Variants in MARK3 observed in about 807,000 individuals in gnomAD.
The protein encoded by MARK3 is MAP/microtubule affinity-regulating kinase 3.
Under a neutral mutation model 90.1 loss-of-function variants are expected in MARK3, and 46 were observed. The ratio of observed to expected loss-of-function variants is 0.51; its 90% CI spans 0.40 to 0.65. MARK3 has a LOEUF of 0.65. MARK3 is among the 30% of genes least tolerant of loss of function. The probability of loss-of-function intolerance (pLI) is 0.00; values close to 1 mark genes in which losing one functional copy is unlikely to be tolerated. For missense variants in MARK3, 818 were observed against 947.2 expected, an observed-to-expected ratio of 0.86 and a Z score of 1.79; for synonymous variants, 321 against 332.6, an observed-to-expected ratio of 0.97 and a Z score of 0.38.
chr14:103,407,713 A>G (rs1222711443), intron 2 of MARK3, among the ~76,000 whole-genome samples: 1 of 151,768 alleles, frequency 6.6e-6, no homozygotes, highest in East Asian at 1.9e-4. Context: ...GGCGTGCGCC[A>G]CCATGCCCGG....
At chr14:103,388,025 G>A (rs185224839) in intron 1 of MARK3, among the ~76,000 whole-genome samples, 5 of 152,018 alleles carry the variant, frequency 3.3e-5, no homozygotes, top group Non-Finnish European at 5.9e-5. Context: ...TCCGCCTCCC[G>A]GGTTCAAGTG....
At chr14:103,414,622 G>C (rs916434632) in intron 2 of MARK3, among the ~76,000 whole-genome samples, 2 of 152,228 alleles carry the variant, frequency 1.3e-5, no homozygotes, top group Non-Finnish European at 2.9e-5. Context: ...AACCCAGAGG[G>C]TTGTGGGAAG....
chr14:103,387,987 C>T (rs531752192), intron 1 of MARK3, among the ~76,000 whole-genome samples: 8 of 151,704 alleles, frequency 5.3e-5, no homozygotes, highest in Non-Finnish European at 8.8e-5. Flanking sequence ...GCTGGAGTGC[C>T]GTGGCATGAT....
intron 3 of MARK3, among the ~76,000 whole-genome samples, chr14:103,441,176 C>A (rs1031957747): frequency 1.3e-5 from 2 of 152,154 alleles, no homozygotes; most frequent in Non-Finnish European, 2.9e-5. Flanking sequence ...TATATCTTCA[C>A]TCTCTTGATA....
At chr14:103,434,749 G>A (rs1353411594) in intron 3 of MARK3, among the ~76,000 whole-genome samples, 1 of 152,174 alleles carries the variant, frequency 6.6e-6, no homozygotes, top group African/African-American at 2.4e-5. Flanking sequence ...AAGAAAACTA[G>A]AAGAATTCAG....
intron 1 of MARK3, among the ~76,000 whole-genome samples, chr14:103,393,347 G>GA (rs1267202180): frequency 6.6e-6 from 1 of 152,092 alleles, no homozygotes. Flanking sequence ...GGCCTTATCA[G>GA]AAAAAAGTTG....
intron 2 of MARK3, among the ~76,000 whole-genome samples, chr14:103,419,026 C>T (rs1027634872): frequency 6.6e-6 from 1 of 152,120 alleles, no homozygotes; most frequent in East Asian, 1.9e-4. Context: ...CGGTGGCTCA[C>T]GCCTGTAATC....
chr14:103,464,447 CACCA>C (rs1459090266), intron 7 of MARK3, among the ~76,000 whole-genome samples: 3 of 150,996 alleles, frequency 2.0e-5, no homozygotes, highest in African/African-American at 7.3e-5. Context: ...TACAGGCGCC[CACCA>C]CCATGCCCAG....
At chr14:103,500,237 G>T (rs548354153) in intron 17 of MARK3, 37 bp downstream of exon 17, 2 of 1,502,872 alleles carry the variant, frequency 1.3e-6, no homozygotes, top group Non-Finnish European at 1.8e-6. Flanking sequence ...TTTTTTTCAG[G>T]TGTTTACTTC....
rs2093715128 is a variant in MARK3, at chr14:103,476,342, G to T, written c.1482+1132G>T. On this transcript the variant is annotated intron_variant, in intron 13 of 17. Coordinates refer to ENST00000429436, the MANE Select transcript of MARK3 (RefSeq NM_001128918.3). ...CTTCAAAGAGCTCTAATGATGAAGA[G>T]TGTTGGCTGAGTTCTTACCATGTGC... is the stretch of plus-strand genomic sequence containing the variant. Among the ~76,000 whole-genome samples, 3 of 152,306 alleles carry T rather than the reference G, an allele frequency of 2.0e-5. No individual in the cohort carries two copies. In the South Asian group the frequency reaches 6.2e-4, roughly 32 times the overall value.
At chr14:103,461,929 G>T (rs937130651) in intron 6 of MARK3, among the ~76,000 whole-genome samples, 1 of 151,802 alleles carries the variant, frequency 6.6e-6, no homozygotes, top group Admixed American at 6.6e-5. Flanking sequence ...CCAGCTACTC[G>T]GGAGACTGAG....
At chr14:103,474,494 C>CCTGTCTACTCAACTACACCTTCCG (rs2093683877) in intron 12 of MARK3, among the ~76,000 whole-genome samples, 1 of 152,206 alleles carries the variant, frequency 6.6e-6, no homozygotes. Flanking sequence ...TACACCTTCC[C>CCTGTCTACTCAACTACACCTTCCG]CTGTCTACTC....
chr14:103,413,914 G>C (rs2140873588), intron 2 of MARK3, among the ~76,000 whole-genome samples: 1 of 152,244 alleles, frequency 6.6e-6, no homozygotes, highest in Admixed American at 6.5e-5. Context: ...GAAGTATTCT[G>C]TTGTATGGCT....
intron 16 of MARK3, chr14:103,499,847 G>A (rs894906971): frequency 4.7e-5 from 11 of 234,400 alleles, no homozygotes; most frequent in Middle Eastern, 1.3e-3. Context: ...AGGAGTGCCC[G>A]CTGTGCGTGC....
rs377726982 is a variant in MARK3 at position 103,452,837 on chromosome 14, A to G, written c.412+854A>G. On this transcript the variant is annotated intron_variant, in intron 5 of 17. Coordinates refer to ENST00000429436, the MANE Select transcript of MARK3 (RefSeq NM_001128918.3). The stretch of plus-strand genomic sequence containing the variant: ...TGTCCTCAAGGTTCATCCATGCTGT[A>G]GCATGTGTCAGAATTTCATTCCTTT... Among the ~76,000 whole-genome samples the G allele has an allele frequency of 2.9e-4, 44 of 152,320 alleles. No homozygotes were observed. The Middle Eastern group carries it at 0.01, about 35-fold the overall frequency.
chr14:103,434,762 T>C (rs1002648693), intron 3 of MARK3, among the ~76,000 whole-genome samples: 8 of 152,206 alleles, frequency 5.3e-5, no homozygotes. Flanking sequence ...GAATTCAGAA[T>C]CTAGTTCAGT....
Position 103,405,262 on chromosome 14 carries a change from A to C in MARK3, c.238A>C (p.Arg80=). ...VKLARHILTG[R]EVAIKIIDKT... is the part of the protein sequence containing the mutation. ...ATTGGCAAGACATATCCTTACAGGC[A>C]GAGAGGTAAATACCAGTTATGCTTA... The change falls in exon 2 of 18, where the codon AGA becomes CGA. Residue 80 remains arginine (R), a synonymous_variant. Coordinates refer to ENST00000429436, the MANE Select transcript of MARK3 (RefSeq NM_001128918.3). 1 of 1,532,152 alleles carries C rather than the reference A, an allele frequency of 6.5e-7. No homozygotes were observed. The highest frequency in any genetic ancestry group is 1.3e-5 in the South Asian group (1 of 77,830). 94.9% of individuals were successfully genotyped at this position (1,532,152 alleles called of 1,614,324 possible).
intron 2 of MARK3, among the ~76,000 whole-genome samples, chr14:103,422,079 T>G (rs1318303779): frequency 6.6e-6 from 1 of 152,252 alleles, no homozygotes; most frequent in East Asian, 1.9e-4. Flanking sequence ...GTAGTCTTAC[T>G]TGTTTTTCAG....
Position 103,503,484 on chromosome 14 carries a change from C to T in MARK3, c.*257C>T, listed in dbSNP as rs986460611. 6.1e-6 allele frequency: 3 copies of T among 491,454 alleles called. No homozygotes were observed. Among genetic ancestry groups the T allele is most frequent in the Non-Finnish European group, 1.1e-5 (3 of 274,210 alleles). The allele number at this position is 491,454 out of a possible 1,614,324, so 30.4% of individuals were successfully genotyped here. A position where few individuals can be genotyped will look rare whatever the true frequency, so the allele number is the denominator to read the frequency against. ...CGGTGTGTGGCCCCATCTCCATGTG[C>T]CTCCCGTCTGGGTGGGTGTGAGAGT... On this transcript the variant is annotated 3_prime_UTR_variant, in exon 18 of 18. Coordinates refer to ENST00000429436, the MANE Select transcript of MARK3 (RefSeq NM_001128918.3).
Sources: gnomAD v4.1 joint callset for allele counts (sites outside exome capture counted in the v4.1 genomes callset) on GRCh38, gnomAD v4.1.1 for gene constraint, MANE v1.5 for transcripts, NCBI Gene and HGNC (gene_info 2026-07-23, HGNC 2026-07-21) for gene names.